The following ZNF385D variants were observed in gnomAD, a reference collection of about 807,000 sequenced individuals.
ZNF385D encodes zinc finger protein 659.
A neutral mutation model predicts 35.8 loss-of-function variants in ZNF385D; 15 were observed. The observed-to-expected ratio is 0.42, with a 90% confidence interval of 0.28 to 0.64. The LOEUF (loss-of-function observed/expected upper bound fraction) is 0.64, where lower values mean the gene tolerates loss of function less well. Ranked by LOEUF, ZNF385D falls within the 30% of genes least tolerant of loss-of-function variation. The pLI is 0.23. For missense variants in ZNF385D, 474 were observed against 494.6 expected (o/e 0.96, Z 0.39); for synonymous variants, 212 against 186.8 (o/e 1.13, Z -1.10).
intron 3 of ZNF385D, among the ~76,000 whole-genome samples, chr3:21,791,361 T>C (rs932376873): frequency 2.0e-5 from 3 of 152,296 alleles, no homozygotes; most frequent in Non-Finnish European, 2.9e-5. Flanking sequence ...TGCAGTGGCA[T>C]GTGATATTAG....
upstream of ZNF385D, chr3:21,751,384 G>T: frequency 9.8e-7 from 1 of 1,020,712 alleles, no homozygotes; most frequent in Non-Finnish European, 1.2e-6. Flanking sequence ...CTCTTAAAGC[G>T]AGAAGAGTGT....
Position 21,661,203 on chromosome 3 carries a change from T to C in ZNF385D, c.165+3683A>G, listed in dbSNP as rs151154367. Reference sequence around the variant, plus strand: ...ACCTAAATCCTTAAATTATTTCCCATTCGAATGCCTGGAATAGTTTGTATT... The same window carrying C: ...ACCTAAATCCTTAAATTATTTCCCACTCGAATGCCTGGAATAGTTTGTATT... On this transcript the variant is annotated intron_variant, in intron 2 of 7. Transcript: ENST00000281523. 3.4e-3 allele frequency among the ~76,000 whole-genome samples: 517 copies of C among 152,258 alleles called. 4 individuals are homozygous for C. Among genetic ancestry groups the C allele is most frequent in the African/African-American group, 0.012 (485 of 41,562 alleles).
chr3:21,704,699 C>T (rs1382927879), intron 1 of ZNF385D, among the ~76,000 whole-genome samples: 1 of 151,886 alleles, frequency 6.6e-6, no homozygotes, highest in Non-Finnish European at 1.5e-5. Flanking sequence ...GATTCATTAC[C>T]TTTTTCTCAT....
intron 3 of ZNF385D, among the ~76,000 whole-genome samples, chr3:21,987,519 G>A (rs1490229486): frequency 3.1e-5 from 4 of 127,306 alleles, no homozygotes; most frequent in African/African-American, 1.1e-4. Flanking sequence ...TGGCTTGTAG[G>A]GTTTCTGCCG....
intron 3 of ZNF385D, among the ~76,000 whole-genome samples, chr3:21,779,127 C>G (rs2071399599): frequency 6.6e-6 from 1 of 151,878 alleles, no homozygotes; most frequent in African/African-American, 2.4e-5. Flanking sequence ...TGGAAAATGC[C>G]TAGGGATAAA....
At chr3:22,118,867 T>C (rs73822867) in intron 3 of ZNF385D, among the ~76,000 whole-genome samples, 1,547 of 152,286 alleles carry the variant, frequency 0.01, 21 homozygotes, top group African/African-American at 0.035. Flanking sequence ...TCACATGTAC[T>C]TTCCATTACT....
intron 2 of ZNF385D, among the ~76,000 whole-genome samples, chr3:22,251,767 T>C (rs1170582489): frequency 1.3e-5 from 2 of 152,060 alleles, no homozygotes; most frequent in Non-Finnish European, 2.9e-5. Flanking sequence ...AGGGAAATAA[T>C]ATAGCACAGT....
chr3:22,280,453 AGAG>A (rs1471303888), intron 2 of ZNF385D, among the ~76,000 whole-genome samples: 2 of 151,890 alleles, frequency 1.3e-5, no homozygotes, highest in African/African-American at 4.8e-5. Flanking sequence ...GTAAAAGGTA[AGAG>A]AAGAGGATCC....
At chr3:21,740,187 A>T (rs2069443054) in intron 1 of ZNF385D, among the ~76,000 whole-genome samples, 1 of 152,200 alleles carries the variant, frequency 6.6e-6, no homozygotes, top group African/African-American at 2.4e-5. Flanking sequence ...GGTGTCTTGT[A>T]GAATAGAAAT....
At chr3:21,673,856 C>T (rs957543822) in intron 1 of ZNF385D, among the ~76,000 whole-genome samples, 1 of 152,018 alleles carries the variant, frequency 6.6e-6, no homozygotes, top group African/African-American at 2.4e-5. Flanking sequence ...TTCATTTCTG[C>T]CAACAAATTG....
intron 3 of ZNF385D, among the ~76,000 whole-genome samples, chr3:21,875,375 G>GT (rs1183765168): frequency 6.6e-6 from 1 of 151,630 alleles, no homozygotes; most frequent in Non-Finnish European, 1.5e-5. Context: ...TTCTTTCATT[G>GT]TTTTTCTGGC....
chr3:22,363,432 G>T (rs1256563306), intron 2 of ZNF385D, among the ~76,000 whole-genome samples: 4 of 152,158 alleles, frequency 2.6e-5, no homozygotes, highest in African/African-American at 9.7e-5. Flanking sequence ...AATGTTTGAA[G>T]CTGGACAAGG....
intron 2 of ZNF385D, among the ~76,000 whole-genome samples, chr3:21,567,965 G>GA (rs2063207388): frequency 6.6e-6 from 1 of 151,956 alleles, no homozygotes; most frequent in African/African-American, 2.4e-5. Flanking sequence ...TGTTTGAATT[G>GA]AATGATGTTC....
chr3:22,250,209 C>A (rs1699992807), intron 2 of ZNF385D, among the ~76,000 whole-genome samples: 1 of 152,054 alleles, frequency 6.6e-6, no homozygotes, highest in African/African-American at 2.4e-5. Context: ...ATTTAAAAAT[C>A]TGAAAATTTC....
chr3:22,189,405 T>A (rs988421483), intron 2 of ZNF385D, among the ~76,000 whole-genome samples: 2 of 152,134 alleles, frequency 1.3e-5, no homozygotes, highest in Non-Finnish European at 2.9e-5. Flanking sequence ...ATATATACAT[T>A]GCTAGCCTCA....
At chr3:22,236,734 C>G (rs1699204611) in intron 2 of ZNF385D, among the ~76,000 whole-genome samples, 2 of 152,154 alleles carry the variant, frequency 1.3e-5, no homozygotes, top group African/African-American at 2.4e-5. Flanking sequence ...TAGCCCCCGG[C>G]AACTAGTAAT....
intron 2 of ZNF385D, among the ~76,000 whole-genome samples, chr3:22,287,679 C>T (rs564937420): frequency 6.6e-6 from 1 of 152,102 alleles, no homozygotes; most frequent in East Asian, 1.9e-4. Flanking sequence ...TTTGATGACA[C>T]AATTTACATT....
chr3:21,745,159 C>A (rs762251117), intron 1 of ZNF385D, among the ~76,000 whole-genome samples: 1 of 152,180 alleles, frequency 6.6e-6, no homozygotes, highest in Non-Finnish European at 1.5e-5. Context: ...GTGGGGCAGA[C>A]AGCATTTTCT....
chr3:22,186,062 C>A (rs746363553), intron 2 of ZNF385D, among the ~76,000 whole-genome samples: 2 of 152,108 alleles, frequency 1.3e-5, no homozygotes, highest in Non-Finnish European at 2.9e-5. Context: ...TGGACAAACA[C>A]TCACACACTC....
Sources: allele counts gnomAD v4.1 joint callset (sites outside exome capture counted in the v4.1 genomes callset), GRCh38; gene constraint gnomAD v4.1.1; transcripts MANE v1.5; gene names NCBI Gene and HGNC (gene_info 2026-07-23, HGNC 2026-07-21).